SHTN1: variants seen among roughly 807,000 people sequenced by gnomAD.
SHTN1 encodes shootin-1.
Under a neutral mutation model 83.1 loss-of-function variants are expected in SHTN1, and 42 were observed. The ratio of observed to expected loss-of-function variants is 0.51; its 90% confidence interval spans 0.39 to 0.65. The LOEUF is 0.65. Among genes scored for constraint, SHTN1 ranks in the 30% least tolerant of loss-of-function variants. SHTN1 has a pLI of 0.00. For synonymous variants in SHTN1, 224 were observed against 247.7 expected, an observed-to-expected ratio of 0.90 and a Z score of 0.90; for missense variants, 622 against 737.8, an observed-to-expected ratio of 0.84 and a Z score of 1.82.
intron 1 of SHTN1, among the ~76,000 whole-genome samples, chr10:117,107,120 CAATT>C (rs1286531004): frequency 6.6e-6 from 1 of 152,124 alleles, no homozygotes; most frequent in Non-Finnish European, 1.5e-5. Flanking sequence ...ATTTAGTAAT[CAATT>C]GAGCATTTAC....
chr10:117,119,984 T>C (rs2133645884), intron 1 of SHTN1, among the ~76,000 whole-genome samples: 1 of 152,088 alleles, frequency 6.6e-6, no homozygotes, highest in Admixed American at 6.5e-5. Context: ...ATCAAAACAA[T>C]TAAACTCATG....
At chr10:116,921,346 T>C (rs1848557379) in intron 12 of SHTN1, 88 bp downstream of exon 12, 1 of 897,240 alleles carries the variant, frequency 1.1e-6, no homozygotes, top group East Asian at 2.5e-5. Context: ...CCCAACAACA[T>C]GTTTATAGTC....
At chr10:116,936,739 T>C (rs1486639799) in intron 9 of SHTN1, among the ~76,000 whole-genome samples, 1 of 152,200 alleles carries the variant, frequency 6.6e-6, no homozygotes, top group East Asian at 1.9e-4. Context: ...TTCTGTCTCG[T>C]TGATCTAATA....
chr10:116,908,384 T>C (rs1444772002), intron 14 of SHTN1, among the ~76,000 whole-genome samples: 1 of 152,190 alleles, frequency 6.6e-6, no homozygotes, highest in Non-Finnish European at 1.5e-5. Context: ...ACATTGCTGA[T>C]ATGCTTCTAT....
At chr10:116,921,732 G>A (rs1315377714) in intron 11 of SHTN1, among the ~76,000 whole-genome samples, 2 of 152,032 alleles carry the variant, frequency 1.3e-5, no homozygotes, top group African/African-American at 4.8e-5. Flanking sequence ...ATTGGAGAGA[G>A]TACACTACTA....
chr10:117,071,058 A>G (rs1455387520), intron 1 of SHTN1, among the ~76,000 whole-genome samples: 1 of 152,132 alleles, frequency 6.6e-6, no homozygotes, highest in African/African-American at 2.4e-5. Context: ...TTATTTATGT[A>G]TATTTTCCTA....
chr10:117,023,198 T>C (rs1852287262), intron 2 of SHTN1, among the ~76,000 whole-genome samples: 1 of 152,236 alleles, frequency 6.6e-6, no homozygotes, highest in East Asian at 1.9e-4. Flanking sequence ...CTTTTAGGCT[T>C]ACAAAAATAA....
At chr10:117,026,504 C>A (rs1217471799) in intron 2 of SHTN1, among the ~76,000 whole-genome samples, 1 of 151,236 alleles carries the variant, frequency 6.6e-6, no homozygotes, top group East Asian at 1.9e-4. Context: ...CTCACTGCAA[C>A]CTCCTTCTCC....
upstream of SHTN1, among the ~76,000 whole-genome samples, chr10:117,006,190 G>C (rs577539485): frequency 7.9e-5 from 12 of 152,046 alleles, no homozygotes; most frequent in South Asian, 2.5e-3. Context: ...ATTTAATAGA[G>C]GAAGATTAAC....
At chr10:116,939,056 T>C (rs1333580507) in intron 9 of SHTN1, among the ~76,000 whole-genome samples, 1 of 152,208 alleles carries the variant, frequency 6.6e-6, no homozygotes, top group Non-Finnish European at 1.5e-5. Flanking sequence ...CAGACTGCTG[T>C]GCTGGCAGCG....
rs144760164 is a variant in SHTN1 at position 116,924,220 on chromosome 10, T to G, written c.1113-2704A>C. Among the ~76,000 whole-genome samples the G allele has an allele frequency of 2.2e-4, 33 of 152,310 alleles. No homozygotes were observed. The East Asian group carries it at 6.4e-3, about 29-fold the overall frequency. On this transcript the variant is annotated intron_variant, in intron 11 of 16. Transcript: ENST00000355371. Reference sequence around the variant, plus strand: ...TCAATTTTCCATTCTGTCAGCTGAATCTACTTGTTACCACTCCATGGCGGG... The same window carrying G: ...TCAATTTTCCATTCTGTCAGCTGAAGCTACTTGTTACCACTCCATGGCGGG...
At chr10:117,095,308 A>C (rs1853489104) in intron 1 of SHTN1, among the ~76,000 whole-genome samples, 1 of 152,236 alleles carries the variant, frequency 6.6e-6, no homozygotes, top group African/African-American at 2.4e-5. Context: ...GAAGTGTGAA[A>C]AATGAACAAA....
At chr10:116,895,981 CA>C (rs1232537528) in intron 16 of SHTN1, among the ~76,000 whole-genome samples, 1 of 152,140 alleles carries the variant, frequency 6.6e-6, no homozygotes, top group East Asian at 1.9e-4. Context: ...CCTCAATCCC[CA>C]AACTGGAAGC....
intron 3 of SHTN1, among the ~76,000 whole-genome samples, chr10:116,968,174 C>G (rs535420787): frequency 1.3e-5 from 2 of 152,114 alleles, no homozygotes; most frequent in African/African-American, 4.8e-5. Flanking sequence ...GAGCGAGACT[C>G]CATCTCAAAA....
At chr10:117,087,552 T>C (rs1853367898) in intron 1 of SHTN1, among the ~76,000 whole-genome samples, 1 of 152,178 alleles carries the variant, frequency 6.6e-6, no homozygotes, top group Non-Finnish European at 1.5e-5. Context: ...GAAAAGTGGA[T>C]CTCTATTTCA....
chr10:117,005,998 T>C (rs936718833), upstream of SHTN1, among the ~76,000 whole-genome samples: 2 of 152,210 alleles, frequency 1.3e-5, no homozygotes, highest in African/African-American at 4.8e-5. Context: ...TCTGAACTAT[T>C]TGAACTCATG....
At chr10:117,048,108 C>T (rs368616557) in intron 2 of SHTN1, among the ~76,000 whole-genome samples, 1 of 152,036 alleles carries the variant, frequency 6.6e-6, no homozygotes, top group African/African-American at 2.4e-5. Context: ...CATAAGTCAT[C>T]ACATATATAA....
intron 2 of SHTN1, among the ~76,000 whole-genome samples, chr10:116,970,782 T>C (rs1252032616): frequency 2.0e-5 from 3 of 151,136 alleles, no homozygotes; most frequent in South Asian, 4.2e-4. Flanking sequence ...TCAAATAATA[T>C]CTTACATACA....
intron 1 of SHTN1, among the ~76,000 whole-genome samples, chr10:117,052,745 T>C (rs2133589605): frequency 6.6e-6 from 1 of 151,152 alleles, no homozygotes; most frequent in South Asian, 2.1e-4. Context: ...TTGGGCCGAG[T>C]GCGGTGGCTC....
Sources: gnomAD v4.1 joint callset for allele counts (sites outside exome capture counted in the v4.1 genomes callset) on GRCh38, gnomAD v4.1.1 for gene constraint, MANE v1.5 for transcripts, NCBI Gene and HGNC (gene_info 2026-07-23, HGNC 2026-07-21) for gene names.